Variants in EHMT1 observed in about 807,000 individuals in gnomAD.
EHMT1 encodes histone-lysine N-methyltransferase EHMT1.
EHMT1 carries 15 observed loss-of-function variants against 147.2 expected under a neutral mutation model. The ratio of observed to expected loss-of-function variants is 0.10; its 90% CI spans 0.07 to 0.16. The LOEUF (loss-of-function observed/expected upper bound fraction) is 0.16, where lower values mean the gene tolerates loss of function less well. Among genes scored for constraint, EHMT1 ranks in the 10% least tolerant of loss-of-function variants. The probability of loss-of-function intolerance (pLI) is 1.00; values close to 1 mark genes in which losing one functional copy is unlikely to be tolerated. For synonymous variants in EHMT1, 795 were observed against 709.6 expected (o/e 1.12, Z -1.91); for missense variants, 1,587 against 1,772.4 (o/e 0.90, Z 1.88).
At chr9:137,702,527 G>A (rs549423772) in intron 1 of EHMT1, among the ~76,000 whole-genome samples, 18 of 152,310 alleles carry the variant, frequency 1.2e-4, no homozygotes, top group African/African-American at 4.3e-4. Context: ...TGGAAGGGGT[G>A]GGCTCCCAAG....
At position 137,828,635 on chromosome 9, in the gene EHMT1, G is replaced by A. The variant is rs1030832906; in HGVS notation, c.3541-5714G>A. 2.6e-5 allele frequency among the ~76,000 whole-genome samples: 4 copies of A among 152,148 alleles called. No homozygotes were observed. Among genetic ancestry groups the A allele is most frequent in the Non-Finnish European group, 5.9e-5 (4 of 67,998 alleles). On this transcript the variant is annotated intron_variant, in intron 25 of 26. Transcript: ENST00000460843. The surrounding 1 kb of genome is among the most constrained non-coding windows in gnomAD (Gnocchi z 5.3). Reference sequence around the variant, plus strand: ...GGGCAGCCACAGATCCCACACTCACGGCCCAAGTGACGCTTGGTGCAGAGC... The same window carrying A: ...GGGCAGCCACAGATCCCACACTCACAGCCCAAGTGACGCTTGGTGCAGAGC...
At chr9:137,688,212 C>T (rs1202667376) in intron 1 of EHMT1, among the ~76,000 whole-genome samples, 1 of 152,148 alleles carries the variant, frequency 6.6e-6, no homozygotes, top group East Asian at 1.9e-4. Flanking sequence ...TTAGTAGAGA[C>T]AGGGGTTCAC....
intron 1 of EHMT1, among the ~76,000 whole-genome samples, chr9:137,691,377 T>C (rs985668544): frequency 6.6e-6 from 1 of 151,378 alleles, no homozygotes; most frequent in African/African-American, 2.4e-5. Flanking sequence ...AGAGTTTCTC[T>C]GTGTTGCCTA....
chr9:137,725,673 T>C (rs1286497808), intron 3 of EHMT1, among the ~76,000 whole-genome samples: 1 of 151,972 alleles, frequency 6.6e-6, no homozygotes, highest in East Asian at 1.9e-4. Flanking sequence ...CTGAGAAGCT[T>C]TGCAAGGACC....
In EHMT1 at chr9:137,703,643, T is replaced by G. The variant is rs551863840; in HGVS notation, c.22-7324T>G. 3.3e-5 allele frequency among the ~76,000 whole-genome samples: 5 copies of G among 152,232 alleles called. No individual in the cohort carries two copies. The East Asian group carries it at 9.7e-4, about 29-fold the overall frequency. ...TCCAATTCCCAATAGGTTCCTCATC[T>G]CCATCTGAGACCTCCTCAGCTTGGA... On this transcript the variant is annotated intron_variant, in intron 1 of 26. Transcript: ENST00000460843.
At chr9:137,820,521 C>G (rs529413868) in intron 25 of EHMT1, among the ~76,000 whole-genome samples, 1 of 152,278 alleles carries the variant, frequency 6.6e-6, no homozygotes, top group African/African-American at 2.4e-5. Flanking sequence ...GTTTATCAGT[C>G]TTTTTCTAAA....
Position 137,726,975 on chromosome 9 carries a change from T to C in EHMT1, c.643-1374T>C, listed in dbSNP as rs1038576362. The stretch of plus-strand genomic sequence containing the variant: ...TGTATGTCTTCCTTGAAGAAATGTC[T>C]GTTCAGGTCCTTTGCCCATTTTTTA... On this transcript the variant is annotated intron_variant, in intron 3 of 26. Coordinates refer to ENST00000460843, the MANE Select transcript of EHMT1 (RefSeq NM_024757.5). Among the ~76,000 whole-genome samples, 5 of 152,366 alleles carry C rather than the reference T, an allele frequency of 3.3e-5. No homozygotes were observed. The East Asian group carries it at 9.6e-4, about 29-fold the overall frequency.
intron 6 of EHMT1, among the ~76,000 whole-genome samples, chr9:137,751,432 A>G (rs957967104): frequency 6.6e-6 from 1 of 152,218 alleles, no homozygotes; most frequent in Non-Finnish European, 1.5e-5. Flanking sequence ...TTGGGATTAC[A>G]AGCGTGAGCC....
At chr9:137,636,203 A>C (rs773057493) in intron 1 of EHMT1, among the ~76,000 whole-genome samples, 1 of 152,196 alleles carries the variant, frequency 6.6e-6, no homozygotes, top group Non-Finnish European at 1.5e-5. Flanking sequence ...TATAGGCGTG[A>C]GCCACCATGC....
At chr9:137,831,613 C>A (rs1028234137) in intron 25 of EHMT1, among the ~76,000 whole-genome samples, 3 of 152,230 alleles carry the variant, frequency 2.0e-5, no homozygotes, top group Non-Finnish European at 4.4e-5. Flanking sequence ...TATTTTCATG[C>A]CTTGAAATCT....
chr9:137,680,009 A>T (rs1425623323), intron 1 of EHMT1, among the ~76,000 whole-genome samples: 1 of 151,996 alleles, frequency 6.6e-6, no homozygotes, highest in Non-Finnish European at 1.5e-5. Context: ...GTGTTTGATT[A>T]TTCTCCTTTC....
Position 137,744,006 on chromosome 9 carries a change from T to C in EHMT1, c.1086T>C (p.His362=). ...AGGAGCTCGAGGAGGACGACGGCCATGGTGCAGAGCAGGCGGCCGCGTTCC... is the reference window on the plus strand; with the variant it reads ...AGGAGCTCGAGGAGGACGACGGCCACGGTGCAGAGCAGGCGGCCGCGTTCC... ...DSEELEEDDG[H]GAEQAAAFPT... The change falls in exon 6 of 27, where the codon CAT becomes CAC. Residue 362 remains histidine, a synonymous_variant. Coordinates refer to ENST00000460843, the MANE Select transcript of EHMT1 (RefSeq NM_024757.5). The C allele has an allele frequency of 1.2e-6, 2 of 1,614,076 alleles. No individual in the cohort carries two copies. Among genetic ancestry groups the C allele is most frequent in the Non-Finnish European group, 1.7e-6 (2 of 1,180,024 alleles).
chr9:137,711,128 T>C (rs1944674355), intron 2 of EHMT1, 98 bp downstream of exon 2: 2 of 1,319,830 alleles, frequency 1.5e-6, no homozygotes, highest in African/African-American at 1.5e-5. Context: ...CTTCTGACTT[T>C]CTTTGCTTCA....
At position 137,782,438 on chromosome 9, in the gene EHMT1, C is replaced by G. The variant is rs777059167; in HGVS notation, c.2382+41C>G. The G allele has an allele frequency of 1.3e-6, 2 of 1,535,984 alleles. No individual in the cohort carries two copies. The highest frequency in any genetic ancestry group is 2.7e-5 in the African/African-American group (2 of 73,064). Reference sequence around the variant, plus strand: ...GCCCTCCTAGGGCTCTTCACCTGCTCTCTTTTATTTTTACCAAAGTAAAAT... The same window carrying G: ...GCCCTCCTAGGGCTCTTCACCTGCTGTCTTTTATTTTTACCAAAGTAAAAT... On this transcript the variant is annotated intron_variant, in intron 15 of 26. Transcript: ENST00000460843. This position sits in a 1 kb window ranked among gnomAD's most constrained non-coding sequence, Gnocchi z 5.7.
At chr9:137,784,402 C>T in intron 15 of EHMT1, 4 of 1,225,588 alleles carry the variant, frequency 3.3e-6, no homozygotes, top group South Asian at 3.9e-5. Flanking sequence ...TAGTGCCAGC[C>T]TTTTGAAGCC....
intron 18 of EHMT1, among the ~76,000 whole-genome samples, chr9:137,806,299 T>G (rs940275661): frequency 2.0e-5 from 3 of 152,002 alleles, no homozygotes; most frequent in African/African-American, 7.2e-5. Flanking sequence ...AGCTCTGCAG[T>G]TGCTCCTGCC....
At chr9:137,742,520 T>A (rs987429423) in intron 4 of EHMT1, among the ~76,000 whole-genome samples, 33 of 152,268 alleles carry the variant, frequency 2.2e-4, no homozygotes, top group African/African-American at 7.9e-4. Flanking sequence ...GCAGTGGCTT[T>A]TAGATCTGTT....
At chr9:137,619,807 G>A (rs2133388684) in intron 1 of EHMT1, among the ~76,000 whole-genome samples, 2 of 152,234 alleles carry the variant, frequency 1.3e-5, no homozygotes, top group East Asian at 3.9e-4. Flanking sequence ...GCAGCGTAGA[G>A]ATTAAAGTCT....
chr9:137,681,086 C>T (rs1941897793), intron 1 of EHMT1, among the ~76,000 whole-genome samples: 1 of 152,240 alleles, frequency 6.6e-6, no homozygotes, highest in Non-Finnish European at 1.5e-5. Context: ...GGGACAGGAG[C>T]AAAGCCCAGG....
Sources: gnomAD v4.1 joint callset for allele counts (sites outside exome capture counted in the v4.1 genomes callset) on GRCh38, gnomAD v4.1.1 for gene constraint, Gnocchi (gnomAD v3.1) non-coding constraint, MANE v1.5 for transcripts, NCBI Gene and HGNC (gene_info 2026-07-23, HGNC 2026-07-21) for gene names.